The following WASF2 variants were observed in gnomAD, a reference collection of about 807,000 sequenced individuals.
WASF2 encodes the protein actin-binding protein WASF2.
A neutral mutation model predicts 45.0 loss-of-function variants in WASF2; 14 were observed. The observed-to-expected ratio is 0.31, with a 90% CI of 0.21 to 0.49. WASF2 has a LOEUF of 0.49. Ranked by LOEUF, WASF2 falls within the 20% of genes least tolerant of loss-of-function variation. WASF2 has a pLI of 0.99. For missense variants in WASF2, 439 were observed against 636.1 expected (o/e 0.69, Z 3.33); for synonymous variants, 200 against 236.3 (o/e 0.85, Z 1.41).
intron 1 of WASF2, among the ~76,000 whole-genome samples, chr1:27,476,180 T>A (rs549549621): frequency 1.3e-5 from 2 of 152,356 alleles, no homozygotes; most frequent in East Asian, 3.9e-4. Flanking sequence ...GTAACACATA[T>A]ACACATCTGA....
At chr1:27,428,078 G>A (rs562715566) in intron 2 of WASF2, among the ~76,000 whole-genome samples, 2 of 152,216 alleles carry the variant, frequency 1.3e-5, no homozygotes, top group East Asian at 3.9e-4. Flanking sequence ...AAAACAGTCT[G>A]GGCTAACCCC....
Position 27,428,926 on chromosome 1 carries a change from A to G in WASF2, c.-36T>C. On this transcript the variant is annotated 5_prime_UTR_variant, in exon 2 of 9. Transcript: ENST00000618852. ...CTTCAGGCAATGTTCTGAATGGTGA[A>G]AAACAACCTAAAAAAGAAATAACAG... is the stretch of plus-strand genomic sequence containing the variant. 4 of 1,611,732 alleles carry G rather than the reference A, an allele frequency of 2.5e-6. No individual in the cohort carries two copies. The highest frequency in any genetic ancestry group is 3.4e-6 in the Non-Finnish European group (4 of 1,178,766).
chr1:27,435,856 A>G (rs2017130356), intron 1 of WASF2, among the ~76,000 whole-genome samples: 1 of 152,254 alleles, frequency 6.6e-6, no homozygotes, highest in Non-Finnish European at 1.5e-5. Flanking sequence ...AAGGTCACTG[A>G]TAACACCTGC....
At chr1:27,426,654 G>A (rs1385288771) in intron 2 of WASF2, among the ~76,000 whole-genome samples, 1 of 152,022 alleles carries the variant, frequency 6.6e-6, no homozygotes, top group Non-Finnish European at 1.5e-5. Flanking sequence ...GGGATTACAG[G>A]TGTGTGACAA....
intron 4 of WASF2, among the ~76,000 whole-genome samples, chr1:27,417,616 A>G (rs2016844397): frequency 6.6e-6 from 1 of 152,220 alleles, no homozygotes; most frequent in African/African-American, 2.4e-5. Context: ...TTTTTGCAGG[A>G]TGACAAAACT....
intron 1 of WASF2, chr1:27,459,510 C>T (rs2017517210): frequency 6.6e-6 from 1 of 151,694 alleles, no homozygotes; most frequent in South Asian, 2.1e-4. Flanking sequence ...TAGGAATTCA[C>T]TGAATTTAAA....
chr1:27,485,908 C>CA (rs2017917163), intron 1 of WASF2, among the ~76,000 whole-genome samples: 1 of 152,118 alleles, frequency 6.6e-6, no homozygotes, highest in African/African-American at 2.4e-5. Context: ...GACGGGGTTT[C>CA]ACCATGTTGG....
chr1:27,467,336 T>C (rs1298378601), intron 1 of WASF2, among the ~76,000 whole-genome samples: 1 of 148,570 alleles, frequency 6.7e-6, no homozygotes, highest in South Asian at 2.1e-4. Flanking sequence ...TTTTTTGAGA[T>C]GGTGTCCAGG....
At chr1:27,422,463 CA>C (rs1376870477) in intron 2 of WASF2, among the ~76,000 whole-genome samples, 1 of 151,414 alleles carries the variant, frequency 6.6e-6, no homozygotes, top group East Asian at 2.0e-4. Context: ...ACTAAAAATA[CA>C]AAAAATTAGC....
intron 1 of WASF2, among the ~76,000 whole-genome samples, chr1:27,463,878 C>T (rs1370122491): frequency 6.7e-6 from 1 of 150,360 alleles, no homozygotes; most frequent in East Asian, 2.0e-4. Context: ...TCTTGGCTCA[C>T]CGCAACCTCA....
intron 1 of WASF2, among the ~76,000 whole-genome samples, chr1:27,462,104 A>G (rs559217132): frequency 2.6e-5 from 4 of 151,682 alleles, no homozygotes; most frequent in Non-Finnish European, 5.9e-5. Context: ...CAGCCTCCCA[A>G]GTAGCTGGGA....
At chr1:27,430,581 C>T (rs745673070) in intron 1 of WASF2, among the ~76,000 whole-genome samples, 14 of 151,956 alleles carry the variant, frequency 9.2e-5, no homozygotes, top group Non-Finnish European at 1.9e-4. Flanking sequence ...AGACTTGTCT[C>T]GAACTCCTGA....
chr1:27,434,410 C>T (rs2017104645), intron 1 of WASF2, among the ~76,000 whole-genome samples: 1 of 152,192 alleles, frequency 6.6e-6, no homozygotes, highest in African/African-American at 2.4e-5. Context: ...TCTAGATGTG[C>T]TTCTACCCAA....
chr1:27,469,857 A>G (rs6598883), intron 1 of WASF2, among the ~76,000 whole-genome samples: 36,074 of 151,902 alleles, frequency 0.24, 7,204 homozygotes, highest in African/African-American at 0.54. Context: ...CAGGAGAATC[A>G]CTTGATCCCG....
chr1:27,416,913 G>A, intron 4 of WASF2, among the ~76,000 whole-genome samples: 1 of 152,192 alleles, frequency 6.6e-6, no homozygotes. Flanking sequence ...GTGCTTAGGA[G>A]TGAACATTTA....
chr1:27,429,038 A>G, intron 1 of WASF2, 105 bp from the exon 2 acceptor site: 1 of 974,376 alleles, frequency 1.0e-6, no homozygotes. Context: ...CCTGATCTAA[A>G]ACAGCTTTAA....
rs1293731697 is a variant in WASF2, at chr1:27,440,835, C to T, written c.-43-11902G>A. ...TCAGTCAATGATGGACTATGATGGA[C>T]CACATATATGACAGTGGTCCCATAA... On this transcript the variant is annotated intron_variant, in intron 1 of 8. Coordinates refer to ENST00000618852, the MANE Select transcript of WASF2 (RefSeq NM_006990.5). Among the ~76,000 whole-genome samples the T allele has an allele frequency of 2.0e-5, 3 of 152,060 alleles. 1 individual carries two copies. Among genetic ancestry groups the T allele is most frequent in the Non-Finnish European group, 4.4e-5 (3 of 68,006 alleles).
intron 1 of WASF2, among the ~76,000 whole-genome samples, chr1:27,474,222 C>T (rs1571162891): frequency 6.6e-6 from 1 of 152,142 alleles, no homozygotes; most frequent in African/African-American, 2.4e-5. Flanking sequence ...GAGTTCATTA[C>T]ATCATTCTCT....
chr1:27,445,247 A>C (rs2017296104), intron 1 of WASF2, among the ~76,000 whole-genome samples: 1 of 152,154 alleles, frequency 6.6e-6, no homozygotes, highest in African/African-American at 2.4e-5. Context: ...CCAATTTTCC[A>C]AGGTAAGTAG....
Sources: allele counts gnomAD v4.1 joint callset (sites outside exome capture counted in the v4.1 genomes callset), GRCh38; gene constraint gnomAD v4.1.1; transcripts MANE v1.5; gene names NCBI Gene and HGNC (gene_info 2026-07-23, HGNC 2026-07-21).